Variants in HOXC13 observed in about 807,000 individuals in gnomAD.
HOXC13 encodes the protein homeobox C13.
Under a neutral mutation model 25.9 loss-of-function variants are expected in HOXC13, and 10 were observed. The observed-to-expected ratio is 0.39, with a 90% CI of 0.24 to 0.65. The LOEUF is 0.65. Among genes scored for constraint, HOXC13 ranks in the 30% least tolerant of loss-of-function variants. HOXC13 has a pLI of 0.50. For missense variants in HOXC13, 439 were observed against 478.3 expected, an observed-to-expected ratio of 0.92 and a Z score of 0.77; for synonymous variants, 233 against 217.1, an observed-to-expected ratio of 1.07 and a Z score of -0.64.
Position 53,938,841 on chromosome 12 carries a change from G to A in HOXC13, c.-66G>A. On this transcript the variant is annotated 5_prime_UTR_variant, in exon 1 of 2. Coordinates refer to ENST00000243056, the MANE Select transcript of HOXC13 (RefSeq NM_017410.3). The stretch of plus-strand genomic sequence containing the variant: ...GGATGGGGGGAGGGGAAACAGGAGC[G>A]AGGTGTCTCCCTAGCTCGCTGCCTC... The A allele has an allele frequency of 1.5e-6, 2 of 1,347,958 alleles. No homozygotes were observed. The highest frequency in any genetic ancestry group is 2.0e-6 in the Non-Finnish European group (2 of 1,008,774). The allele number at this position is 1,347,958 out of a possible 1,614,324, so 83.5% of individuals were successfully genotyped here. A position where few individuals can be genotyped will look rare whatever the true frequency, so the allele number is the denominator to read the frequency against.
Position 53,938,996 on chromosome 12 carries a change from C to T in HOXC13, c.90C>T (p.Gly30=). Residue 30 remains glycine (G), a synonymous_variant, in exon 1 of 2, where the codon GGC becomes GGT. Transcript: ENST00000243056. ...EDSAAESGIG[G]GGGGGGGGTG... is the part of the protein sequence containing the mutation. ...GCGCGGCGGAGAGCGGCATCGGCGG[C>T]GGCGGCGGAGGAGGAGGCGGCGGCA... 1 of 1,500,912 alleles carries T rather than the reference C, an allele frequency of 6.7e-7. No individual in the cohort carries two copies. Among genetic ancestry groups the T allele is most frequent in the East Asian group, 2.7e-5 (1 of 36,578 alleles). The allele number at this position is 1,500,912 out of a possible 1,614,324, so 93.0% of individuals were successfully genotyped here.
At position 53,941,218 on chromosome 12, in the gene HOXC13, A is replaced by G. The variant is rs562614132; in HGVS notation, c.736+1576A>G. On this transcript the variant is annotated intron_variant, in intron 1 of 1. Transcript: ENST00000243056. ...ACAATAATAGATTTCTAGAAAGACA[A>G]TTCACATGTTCATAATACAGCAATG... Among the ~76,000 whole-genome samples, 4 of 152,360 alleles carry G rather than the reference A, an allele frequency of 2.6e-5. No individual in the cohort carries two copies. The South Asian group carries it at 6.2e-4, about 24-fold the overall frequency.
In HOXC13 at chr12:53,939,159, C is replaced by T; in HGVS notation, c.253C>T (p.Leu85=). The T allele has an allele frequency of 6.7e-7, 1 of 1,483,344 alleles. No individual in the cohort carries two copies. The highest frequency in any genetic ancestry group is 8.9e-7 in the Non-Finnish European group (1 of 1,127,568). 91.9% of individuals were successfully genotyped at this position (1,483,344 alleles called of 1,614,324 possible). The change falls in exon 1 of 2, where the codon CTG becomes TTG. Residue 85 remains leucine (L), a synonymous_variant. Coordinates refer to ENST00000243056, the MANE Select transcript of HOXC13 (RefSeq NM_017410.3). This position sits in a 1 kb window ranked among gnomAD's most constrained non-coding sequence, Gnocchi z 6.7. ...CGTGCTGGGCCGCCCGCCGGCTCCC[C>T]TGGGCGCCCCTCAGGGCGCCGTCTA... The part of the protein sequence containing the change: ...HPVLGRPPAP[L]GAPQGAVYTD...
In HOXC13 at chr12:53,939,013, G is replaced by A. The variant is rs1389361178; in HGVS notation, c.107G>A (p.Gly36Asp). ...ATCGGCGGCGGCGGCGGAGGAGGAG[G>A]CGGCGGCACGGGCGGAGCGGGGGGT... The part of the protein sequence containing the change: ...SGIGGGGGGG[G>D]GGTGGAGGGC... Residue 36 changes from glycine (G) to aspartate (D), a missense_variant, in exon 1 of 2, where the codon GGC (glycine) becomes GAC (aspartate). Coordinates refer to ENST00000243056, the MANE Select transcript of HOXC13 (RefSeq NM_017410.3). The surrounding 1 kb of genome is among the most constrained non-coding windows in gnomAD (Gnocchi z 6.7). 1 of 1,489,784 alleles carries A rather than the reference G, an allele frequency of 6.7e-7. No homozygotes were observed. Among genetic ancestry groups the A allele is most frequent in the Non-Finnish European group, 8.9e-7 (1 of 1,126,570 alleles). The allele number at this position is 1,489,784 out of a possible 1,614,324, so 92.3% of individuals were successfully genotyped here.
chr12:53,942,638 C>T (rs1448980600), intron 1 of HOXC13, among the ~76,000 whole-genome samples: 1 of 152,180 alleles, frequency 6.6e-6, no homozygotes, highest in East Asian at 1.9e-4. Flanking sequence ...GCAGTGTACG[C>T]ACATCTCCAG....
chr12:53,941,256 A>G (rs1481937030), intron 1 of HOXC13, among the ~76,000 whole-genome samples: 1 of 152,250 alleles, frequency 6.6e-6, no homozygotes, highest in Non-Finnish European at 1.5e-5. Context: ...TTTTAGAGAG[A>G]TGGCCCTTTA....
rs764889510 is a variant in HOXC13, at chr12:53,945,241, T to C, written c.978T>C (p.His326=). ...TGGTCAGCAAATCGAAAGCGCCTCATCTCCACTCCACCTGACCACCCACCC... is the reference window on the plus strand; with the variant it reads ...TGGTCAGCAAATCGAAAGCGCCTCACCTCCACTCCACCTGACCACCCACCC... ...KKVVSKSKAP[H]LHST The change falls in exon 2 of 2, where the codon CAT becomes CAC. Residue 326 remains histidine, a synonymous_variant. Transcript: ENST00000243056. This position sits in a 1 kb window ranked among gnomAD's most constrained non-coding sequence, Gnocchi z 4.4. 4.3e-6 allele frequency: 7 copies of C among 1,614,012 alleles called. No individual in the cohort carries two copies. The highest frequency in any genetic ancestry group is 2.2e-5 in the East Asian group (1 of 44,880).
chr12:53,939,664 C>A lies in HOXC13; in HGVS notation c.736+22C>A. 7.4e-7 allele frequency: 1 copy of A among 1,360,008 alleles called. No individual in the cohort carries two copies. 84.2% of individuals were successfully genotyped at this position (1,360,008 alleles called of 1,614,324 possible). The stretch of plus-strand genomic sequence containing the variant: ...CCAGGTAAGGAAGGGACCCGAGCGC[C>A]GCCGCCGCCGGGGACCCCTCCCCGC... On this transcript the variant is annotated intron_variant, in intron 1 of 1. Transcript: ENST00000243056. This position sits in a 1 kb window ranked among gnomAD's most constrained non-coding sequence, Gnocchi z 6.7.
In HOXC13 at chr12:53,945,831, T is replaced by G. The variant is rs1644078476; in HGVS notation, c.*575T>G. 4.2e-6 allele frequency: 1 copy of G among 236,646 alleles called. No individual in the cohort carries two copies. The allele number at this position is 236,646 out of a possible 1,614,324, so 14.7% of individuals were successfully genotyped here. ...GATAATTATTAGGGACCTGGCAGCG[T>G]GATTGGAGTATGGATGTTTCCGTAA... is the stretch of plus-strand genomic sequence containing the variant. On this transcript the variant is annotated 3_prime_UTR_variant, in exon 2 of 2. Transcript: ENST00000243056. The surrounding 1 kb of genome is among the most constrained non-coding windows in gnomAD (Gnocchi z 4.4).
intron 1 of HOXC13, among the ~76,000 whole-genome samples, chr12:53,943,538 T>G (rs1938644528): frequency 6.6e-6 from 1 of 152,220 alleles, no homozygotes; most frequent in Admixed American, 6.5e-5. Context: ...TCCAACAGTT[T>G]TCCTGAGAAA....
Position 53,939,134 on chromosome 12 carries a change from C to G in HOXC13, c.228C>G (p.Pro76=). ...ASHCRDLLPH[P]VLGRPPAPLG... is the part of the protein sequence containing the mutation. ...ACTGCCGCGACCTGCTTCCGCACCC[C>G]GTGCTGGGCCGCCCGCCGGCTCCCC... Residue 76 remains proline (P), a synonymous_variant, in exon 1 of 2, where the codon CCC becomes CCG. Transcript: ENST00000243056. This position sits in a 1 kb window ranked among gnomAD's most constrained non-coding sequence, Gnocchi z 6.7. The G allele has an allele frequency of 1.4e-6, 2 of 1,465,120 alleles. No individual in the cohort carries two copies. Among genetic ancestry groups the G allele is most frequent in the Admixed American group, 2.6e-5 (1 of 38,018 alleles). 90.8% of individuals were successfully genotyped at this position (1,465,120 alleles called of 1,614,324 possible). A position where few individuals can be genotyped will look rare whatever the true frequency, so the allele number is the denominator to read the frequency against.
At chr12:53,942,607 C>A (rs1272552338) in intron 1 of HOXC13, among the ~76,000 whole-genome samples, 1 of 152,214 alleles carries the variant, frequency 6.6e-6, no homozygotes, top group Non-Finnish European at 1.5e-5. Context: ...AGATTAATAA[C>A]TAAGCCCCCA....
At chr12:53,943,906 T>C (rs1938649048) in intron 1 of HOXC13, among the ~76,000 whole-genome samples, 1 of 152,214 alleles carries the variant, frequency 6.6e-6, no homozygotes, top group South Asian at 2.1e-4. Context: ...ATAATCTCCC[T>C]AGTTCCCCCA....
In HOXC13 at chr12:53,945,024, T is replaced by C. The variant is rs1446298424; in HGVS notation, c.761T>C (p.Val254Ala). Reference protein sequence around the residue: ...FPDVVPLQPEVSSYRRGRKKR... With the variant: ...FPDVVPLQPEASSYRRGRKKR... The stretch of plus-strand genomic sequence containing the variant: ...GACGTGGTTCCCCTGCAGCCCGAGG[T>C]GAGCAGCTACCGGCGCGGGCGCAAG... The change falls in exon 2 of 2, where the codon GTG (valine) becomes GCG (alanine). Residue 254 changes from valine to alanine, a missense_variant. Val to Ala is a moderately conservative substitution (Grantham distance 64). Transcript: ENST00000243056. The surrounding 1 kb of genome is among the most constrained non-coding windows in gnomAD (Gnocchi z 4.4). 5 of 1,613,746 alleles carry C rather than the reference T, an allele frequency of 3.1e-6. 1 individual carries two copies. Among genetic ancestry groups the C allele is most frequent in the Non-Finnish European group, 3.4e-6 (4 of 1,180,036 alleles).
In HOXC13 at chr12:53,938,835, A is replaced by G; in HGVS notation, c.-72A>G. On this transcript the variant is annotated 5_prime_UTR_variant, in exon 1 of 2. Transcript: ENST00000243056. ...GGGGAGGGATGGGGGGAGGGGAAAC[A>G]GGAGCGAGGTGTCTCCCTAGCTCGC... 7.6e-7 allele frequency: 1 copy of G among 1,316,960 alleles called. No individual in the cohort carries two copies. Among genetic ancestry groups the G allele is most frequent in the Non-Finnish European group, 1.0e-6 (1 of 985,686 alleles). The allele number at this position is 1,316,960 out of a possible 1,614,324, so 81.6% of individuals were successfully genotyped here. A position where few individuals can be genotyped will look rare whatever the true frequency, so the allele number is the denominator to read the frequency against.
chr12:53,943,904 C>T (rs933245907), intron 1 of HOXC13, among the ~76,000 whole-genome samples: 4 of 152,164 alleles, frequency 2.6e-5, no homozygotes, highest in African/African-American at 9.7e-5. Flanking sequence ...AGATAATCTC[C>T]CTAGTTCCCC....
intron 1 of HOXC13, 114 bp from the exon 2 acceptor site, chr12:53,944,886 A>G (rs931350319): frequency 7.4e-7 from 1 of 1,346,082 alleles, no homozygotes. Flanking sequence ...ATGCAGTGCA[A>G]TCCTCTGGCC....
rs889735758 is a variant in HOXC13 at position 53,939,773 on chromosome 12, C to T, written c.736+131C>T. ...CGCTCGGCTGGGCTGCCTATGGAGCCGGCCGGGCGAGCTGCACTGAGGAAT... is the reference window on the plus strand; with the variant it reads ...CGCTCGGCTGGGCTGCCTATGGAGCTGGCCGGGCGAGCTGCACTGAGGAAT... On this transcript the variant is annotated intron_variant, in intron 1 of 1. Transcript: ENST00000243056. This position sits in a 1 kb window ranked among gnomAD's most constrained non-coding sequence, Gnocchi z 6.7. The T allele has an allele frequency of 2.2e-5, 25 of 1,159,250 alleles. No homozygotes were observed. Among genetic ancestry groups the T allele is most frequent in the Non-Finnish European group, 2.5e-5 (23 of 924,318 alleles). 71.8% of individuals were successfully genotyped at this position (1,159,250 alleles called of 1,614,324 possible).
chr12:53,944,770 T>G lies in HOXC13; in HGVS notation c.737-230T>G, dbSNP rs1056633159. 4.6e-5 allele frequency among the ~76,000 whole-genome samples: 7 copies of G among 152,246 alleles called. No individual in the cohort carries two copies. The South Asian group carries it at 1.4e-3, about 32-fold the overall frequency. ...CATTGCATTAAAATATCGTCTTGAT[T>G]ACTGAGTTTTTGGCGCCCCCTCCCT... On this transcript the variant is annotated intron_variant, in intron 1 of 1. Coordinates refer to ENST00000243056, the MANE Select transcript of HOXC13 (RefSeq NM_017410.3).
Sources: allele counts gnomAD v4.1 joint callset (sites outside exome capture counted in the v4.1 genomes callset), GRCh38; gene constraint gnomAD v4.1.1; non-coding constraint Gnocchi (gnomAD v3.1); transcripts MANE v1.5; gene names NCBI Gene and HGNC (gene_info 2026-07-23, HGNC 2026-07-21).